The following PCDHGA3 variants were observed in gnomAD, a reference collection of about 807,000 sequenced individuals.
The protein encoded by PCDHGA3 is protocadherin gamma-A3.
A neutral mutation model predicts 58.5 loss-of-function variants in PCDHGA3; 40 were observed. That is an observed-to-expected ratio of 0.68 (90% CI 0.53 to 0.89). PCDHGA3 has a LOEUF of 0.89. PCDHGA3 is among the 40% of genes least tolerant of loss of function. The pLI is 0.00. For synonymous variants in PCDHGA3, 530 were observed against 525.7 expected, an observed-to-expected ratio of 1.01 and a Z score of -0.11; for missense variants, 1,223 against 1,195.9, an observed-to-expected ratio of 1.02 and a Z score of -0.33.
chr5:141,375,886 C>G lies in PCDHGA3; in HGVS notation c.2424+29429C>G, dbSNP rs1772014955. The G allele has an allele frequency of 1.2e-6, 2 of 1,613,822 alleles. No homozygotes were observed. Among genetic ancestry groups the G allele is most frequent in the Non-Finnish European group, 8.5e-7 (1 of 1,180,024 alleles). On this transcript the variant is annotated intron_variant, in intron 1 of 3. Coordinates refer to ENST00000253812, the MANE Select transcript of PCDHGA3 (RefSeq NM_018916.4). ...CGGTGGACAGAGACTCGGGCCAGAACGCCTGGCTGTCCTACCGCCTGCTCA... is the reference window on the plus strand; with the variant it reads ...CGGTGGACAGAGACTCGGGCCAGAAGGCCTGGCTGTCCTACCGCCTGCTCA...
chr5:141,393,367 G>T, intron 1 of PCDHGA3: 1 of 1,613,962 alleles, frequency 6.2e-7, no homozygotes, highest in South Asian at 1.1e-5. Context: ...GTGCAGACTG[G>T]AGACAATGGA....
intron 1 of PCDHGA3, chr5:141,409,041 A>T: frequency 6.2e-7 from 1 of 1,613,982 alleles, no homozygotes; most frequent in Non-Finnish European, 8.5e-7. Flanking sequence ...ATAAACTACT[A>T]CTTCCGAAGC....
chr5:141,484,716 G>C (rs1375103858), intron 1 of PCDHGA3, among the ~76,000 whole-genome samples: 1 of 152,030 alleles, frequency 6.6e-6, no homozygotes, highest in African/African-American at 2.4e-5. Context: ...CGCCGAAAAG[G>C]GGCGGGGTCA....
intron 1 of PCDHGA3, chr5:141,413,855 C>A: frequency 3.7e-6 from 6 of 1,613,324 alleles, no homozygotes; most frequent in Non-Finnish European, 5.1e-6. Flanking sequence ...CCTCTCCGAT[C>A]TGGCACTGTC....
At chr5:141,380,103 A>T (rs1371621007) in intron 1 of PCDHGA3, among the ~76,000 whole-genome samples, 3 of 151,578 alleles carry the variant, frequency 2.0e-5, no homozygotes, top group Admixed American at 6.6e-5. Flanking sequence ...TTTTACCATG[A>T]TGGCCAGGCT....
rs141556649 is a variant in PCDHGA3 at position 141,492,225 on chromosome 5, C to T, written c.2425-2582C>T. ...GTGTGCGCGCGGGGCTCATGCGTGT[C>T]CTCCCTGCTGGCCACCCCCACGGCC... On this transcript the variant is annotated intron_variant, in intron 1 of 3. Transcript: ENST00000253812. Among the ~76,000 whole-genome samples the T allele has an allele frequency of 2.4e-3, 361 of 152,274 alleles. No individual in the cohort carries two copies. In the Middle Eastern group the frequency reaches 0.024, roughly 10 times the overall value.
At chr5:141,475,553 TTGTC>T (rs2099365287) in intron 1 of PCDHGA3, among the ~76,000 whole-genome samples, 2 of 152,260 alleles carry the variant, frequency 1.3e-5, no homozygotes, top group Non-Finnish European at 2.9e-5. Context: ...GTCCGGCTAA[TTGTC>T]TGTCTTCCAA....
chr5:141,487,810 C>G lies in PCDHGA3; in HGVS notation c.2425-6997C>G, dbSNP rs377060474. ...ATTAACCAGAGTTGTCACAGTTTAGCATTGGGGGCGGGTCATGCCTATATC... is the reference window on the plus strand; with the variant it reads ...ATTAACCAGAGTTGTCACAGTTTAGGATTGGGGGCGGGTCATGCCTATATC... On this transcript the variant is annotated intron_variant, in intron 1 of 3. Coordinates refer to ENST00000253812, the MANE Select transcript of PCDHGA3 (RefSeq NM_018916.4). The surrounding 1 kb of genome is among the most constrained non-coding windows in gnomAD (Gnocchi z 5.0). 7.1e-7 allele frequency: 1 copy of G among 1,417,854 alleles called. No homozygotes were observed. The highest frequency in any genetic ancestry group is 2.1e-5 in the Admixed American group (1 of 47,076). The allele number at this position is 1,417,854 out of a possible 1,614,324, so 87.8% of individuals were successfully genotyped here.
At chr5:141,376,832 G>A (rs1773425503) in intron 1 of PCDHGA3, 3 of 257,250 alleles carry the variant, frequency 1.2e-5, no homozygotes, top group South Asian at 6.2e-5. Flanking sequence ...GACTACAGGC[G>A]CCCGCCACCG....
chr5:141,456,554 G>A (rs1003323522), intron 1 of PCDHGA3, among the ~76,000 whole-genome samples: 2 of 152,202 alleles, frequency 1.3e-5, no homozygotes, highest in Non-Finnish European at 2.9e-5. Flanking sequence ...GCCACTCGGG[G>A]CTGAAGCCCA....
At chr5:141,364,412 T>C (rs1423662682) in intron 1 of PCDHGA3, 2 of 1,612,244 alleles carry the variant, frequency 1.2e-6, no homozygotes, top group East Asian at 2.2e-5. Context: ...CGAGCCAGGA[T>C]CCGGGCAGAT....
At chr5:141,470,602 G>A (rs1004044883) in intron 1 of PCDHGA3, among the ~76,000 whole-genome samples, 1 of 152,268 alleles carries the variant, frequency 6.6e-6, no homozygotes, top group South Asian at 2.1e-4. Flanking sequence ...ACCTGTGCGG[G>A]GACACAGGGC....
chr5:141,450,826 A>ATTTTT (rs764729742), intron 1 of PCDHGA3, among the ~76,000 whole-genome samples: 2 of 134,302 alleles, frequency 1.5e-5, no homozygotes, highest in African/African-American at 2.9e-5. Flanking sequence ...TATTATTATT[A>ATTTTT]TTATTTTTTT....
chr5:141,361,410 C>A (rs759239364), intron 1 of PCDHGA3: 2 of 1,614,052 alleles, frequency 1.2e-6, no homozygotes, highest in South Asian at 2.2e-5. Flanking sequence ...TCACAGCCAC[C>A]GACGGGGGCA....
At chr5:141,417,950 GAGCCGATCCGCT>G (rs1361985861) in intron 1 of PCDHGA3, 1 of 1,613,484 alleles carries the variant, frequency 6.2e-7, no homozygotes, top group African/African-American at 1.3e-5. Context: ...CACGCTGTGT[GAGCCGATCCGCT>G]ACTCGATTCC....
At chr5:141,448,667 G>A (rs1262994760) in intron 1 of PCDHGA3, among the ~76,000 whole-genome samples, 6 of 151,990 alleles carry the variant, frequency 3.9e-5, no homozygotes, top group African/African-American at 9.7e-5. Flanking sequence ...TTGGCCGGGC[G>A]CGGTGGCTCA....
intron 1 of PCDHGA3, chr5:141,366,006 C>G: frequency 1.9e-6 from 3 of 1,614,240 alleles, no homozygotes; most frequent in Non-Finnish European, 2.5e-6. Context: ...AACGACAATA[C>G]GCCTGAGATC....
At position 141,346,355 on chromosome 5, in the gene PCDHGA3, C is replaced by T. The variant is rs754690166; in HGVS notation, c.2322C>T (p.Asn774=). 4.3e-6 allele frequency: 7 copies of T among 1,614,258 alleles called. No individual in the cohort carries two copies. In the South Asian group the frequency reaches 6.6e-5, roughly 15 times the overall value. The stretch of plus-strand genomic sequence containing the variant: ...GCCACCTGATTTTCCCCCAGCCCAA[C>T]TATGCGGACACGCTCATCAGCCAGG... The part of the protein sequence containing the change: ...RKSHLIFPQP[N]YADTLISQES... The change falls in exon 1 of 4, where the codon AAC becomes AAT. Residue 774 remains asparagine, a synonymous_variant. Transcript: ENST00000253812.
At chr5:141,356,207 CAG>C (rs1419624764) in intron 1 of PCDHGA3, 2 of 1,605,982 alleles carry the variant, frequency 1.2e-6, no homozygotes, top group African/African-American at 2.7e-5. Flanking sequence ...GTACTGGTGA[CAG>C]TTCTGGATGA....
Sources: allele counts gnomAD v4.1 joint callset (sites outside exome capture counted in the v4.1 genomes callset), GRCh38; gene constraint gnomAD v4.1.1; non-coding constraint Gnocchi (gnomAD v3.1); transcripts MANE v1.5; gene names NCBI Gene and HGNC (gene_info 2026-07-23, HGNC 2026-07-21).